Variants in SPIRE1 observed in about 807,000 individuals in gnomAD.
SPIRE1 encodes protein spire homolog 1.
Under a neutral mutation model 94.1 loss-of-function variants are expected in SPIRE1, and 40 were observed. The ratio of observed to expected loss-of-function variants is 0.43; its 90% confidence interval spans 0.33 to 0.55. The LOEUF (loss-of-function observed/expected upper bound fraction) is 0.55, where lower values mean the gene tolerates loss of function less well. Ranked by LOEUF, SPIRE1 falls within the 20% of genes least tolerant of loss-of-function variation. The probability of loss-of-function intolerance (pLI) is 0.06; values close to 1 mark genes in which losing one functional copy is unlikely to be tolerated. For synonymous variants in SPIRE1, 376 were observed against 371.7 expected, an observed-to-expected ratio of 1.01 and a Z score of -0.13; for missense variants, 838 against 975.2, an observed-to-expected ratio of 0.86 and a Z score of 1.87.
chr18:12,560,110 A>T lies in SPIRE1; in HGVS notation c.373-13206T>A, dbSNP rs148005022. Among the ~76,000 whole-genome samples, 29 of 152,354 alleles carry T rather than the reference A, an allele frequency of 1.9e-4. No individual in the cohort carries two copies. The East Asian group carries it at 5.6e-3, about 29-fold the overall frequency. ...ACAAATGCTGGTGAGGATATGGAGAAAAGGGAACCCTTGTACACTGCTGGT... is the reference window on the plus strand; with the variant it reads ...ACAAATGCTGGTGAGGATATGGAGATAAGGGAACCCTTGTACACTGCTGGT... On this transcript the variant is annotated intron_variant, in intron 2 of 16. Coordinates refer to ENST00000409402, the MANE Select transcript of SPIRE1 (RefSeq NM_001128626.2).
At chr18:12,610,995 C>T (rs1275926865) in intron 2 of SPIRE1, among the ~76,000 whole-genome samples, 1 of 113,346 alleles carries the variant, frequency 8.8e-6, no homozygotes, top group Non-Finnish European at 1.9e-5. Context: ...TTTACTTATG[C>T]TCCACATCAT....
chr18:12,657,397 G>C lies in SPIRE1; in HGVS notation c.337+133C>G, dbSNP rs1195417413. On this transcript the variant is annotated intron_variant, in intron 1 of 16. Coordinates refer to ENST00000409402, the MANE Select transcript of SPIRE1 (RefSeq NM_001128626.2). ...CGTCCTCCCCTGCGGGTCCCCGCCG[G>C]ATCCTCCCGGGGGTCTCCCGTGGCA... The C allele has an allele frequency of 6.9e-6, 5 of 719,772 alleles. No individual in the cohort carries two copies. The East Asian group carries it at 1.5e-4, about 21-fold the overall frequency. 44.6% of individuals were successfully genotyped at this position (719,772 alleles called of 1,614,324 possible).
chr18:12,647,115 C>T (rs2038249495), intron 1 of SPIRE1, among the ~76,000 whole-genome samples: 1 of 151,494 alleles, frequency 6.6e-6, no homozygotes, highest in South Asian at 2.1e-4. Context: ...CAGAAGCCAG[C>T]AGTTTGGTAT....
chr18:12,538,761 C>T (rs901269104), intron 3 of SPIRE1, among the ~76,000 whole-genome samples: 6 of 152,198 alleles, frequency 3.9e-5, no homozygotes, highest in African/African-American at 1.4e-4. Context: ...ATGATCCTGC[C>T]TCAGCCTCCT....
intron 2 of SPIRE1, among the ~76,000 whole-genome samples, chr18:12,622,924 C>T (rs1475384882): frequency 6.6e-6 from 1 of 152,178 alleles, no homozygotes; most frequent in African/African-American, 2.4e-5. Flanking sequence ...AAATCCTTTC[C>T]CTCAGCCTGG....
At chr18:12,462,183 C>T (rs955614141) in intron 12 of SPIRE1, among the ~76,000 whole-genome samples, 3 of 152,154 alleles carry the variant, frequency 2.0e-5, no homozygotes, top group African/African-American at 7.2e-5. Flanking sequence ...ACTGTTTTGG[C>T]ATAGAGATGA....
At chr18:12,502,267 AAAAC>A (rs1452387061) in intron 6 of SPIRE1, among the ~76,000 whole-genome samples, 1 of 152,226 alleles carries the variant, frequency 6.6e-6, no homozygotes, top group Non-Finnish European at 1.5e-5. Context: ...AAAACTAAGA[AAAAC>A]AAAAAACAAA....
intron 2 of SPIRE1, among the ~76,000 whole-genome samples, chr18:12,624,420 G>A (rs1367553373): frequency 6.6e-6 from 1 of 151,220 alleles, no homozygotes; most frequent in African/African-American, 2.4e-5. Flanking sequence ...GCGTGTGCCT[G>A]TAGTCCCAGC....
chr18:12,470,912 C>G (rs1893236), intron 10 of SPIRE1, among the ~76,000 whole-genome samples: 5,120 of 151,968 alleles, frequency 0.034, 113 homozygotes, highest in South Asian at 0.092. Flanking sequence ...CTGCTTTGCT[C>G]CAGGGCTCAC....
chr18:12,535,726 G>T, intron 3 of SPIRE1, 125 bp from the exon 4 acceptor site: 1 of 734,500 alleles, frequency 1.4e-6, no homozygotes, highest in Non-Finnish European at 2.2e-6. Context: ...GGAGGCCAAC[G>T]CAGGCAGATC....
chr18:12,455,765 T>C (rs2031479397), intron 12 of SPIRE1, among the ~76,000 whole-genome samples: 1 of 152,180 alleles, frequency 6.6e-6, no homozygotes, highest in Admixed American at 6.5e-5. Flanking sequence ...AAACACATTA[T>C]AATTCACTCC....
At chr18:12,556,375 G>C (rs528052460) in intron 2 of SPIRE1, among the ~76,000 whole-genome samples, 1 of 152,048 alleles carries the variant, frequency 6.6e-6, no homozygotes, top group Non-Finnish European at 1.5e-5. Context: ...AAAAAGAACA[G>C]AACTGTAGGA....
At chr18:12,513,973 A>C (rs773360903) in intron 4 of SPIRE1, among the ~76,000 whole-genome samples, 1 of 152,092 alleles carries the variant, frequency 6.6e-6, no homozygotes, top group Non-Finnish European at 1.5e-5. Flanking sequence ...CCTCCCAAGT[A>C]ACTGGCACTA....
At chr18:12,637,358 C>CAAAAAA (rs55649398) in intron 1 of SPIRE1, among the ~76,000 whole-genome samples, 1 of 101,836 alleles carries the variant, frequency 9.8e-6, no homozygotes, top group African/African-American at 4.1e-5. Flanking sequence ...GACTCTGTCT[C>CAAAAAA]AAAAAAAAAA....
chr18:12,599,445 A>G (rs879447191), intron 2 of SPIRE1, among the ~76,000 whole-genome samples: 6 of 152,156 alleles, frequency 3.9e-5, no homozygotes, highest in Non-Finnish European at 7.4e-5. Flanking sequence ...AAATTTTTTT[A>G]TAGAGATGGC....
At chr18:12,554,127 C>A (rs1466484786) in intron 2 of SPIRE1, among the ~76,000 whole-genome samples, 1 of 151,782 alleles carries the variant, frequency 6.6e-6, no homozygotes, top group Non-Finnish European at 1.5e-5. Flanking sequence ...GGTGAAACCC[C>A]GTCTCTACTA....
Position 12,449,267 on chromosome 18 carries a change from G to T in SPIRE1, c.*371C>A. ...TACTGCTTAGGGCTGTGCTGACATC[G>T]GCATCTCTGTTAGACTGATTCTCGT... is the stretch of plus-strand genomic sequence containing the variant. On this transcript the variant is annotated 3_prime_UTR_variant, in exon 17 of 17. Coordinates refer to ENST00000409402, the MANE Select transcript of SPIRE1 (RefSeq NM_001128626.2). The T allele has an allele frequency of 4.3e-6, 1 of 234,894 alleles. No homozygotes were observed. Among genetic ancestry groups the T allele is most frequent in the Non-Finnish European group, 8.4e-6 (1 of 119,308 alleles). The allele number at this position is 234,894 out of a possible 1,614,324, so 14.6% of individuals were successfully genotyped here.
chr18:12,521,012 G>C (rs933890510), intron 4 of SPIRE1, among the ~76,000 whole-genome samples: 24 of 152,080 alleles, frequency 1.6e-4, no homozygotes, highest in Admixed American at 6.6e-5. Flanking sequence ...ATAAGAGATT[G>C]GGGGGTGGAA....
At chr18:12,609,069 C>T (rs192510960) in intron 2 of SPIRE1, among the ~76,000 whole-genome samples, 15 of 152,262 alleles carry the variant, frequency 9.9e-5, no homozygotes, top group East Asian at 7.7e-4. Flanking sequence ...ATACCTCGCA[C>T]GCACAGTTCA....
Sources: gnomAD v4.1 joint callset for allele counts (sites outside exome capture counted in the v4.1 genomes callset) on GRCh38, gnomAD v4.1.1 for gene constraint, MANE v1.5 for transcripts, NCBI Gene and HGNC (gene_info 2026-07-23, HGNC 2026-07-21) for gene names.